The following TENM1 variants were observed in gnomAD, a reference collection of about 807,000 sequenced individuals.
The protein encoded by TENM1 is teneurin transmembrane protein 1.
TENM1 carries 35 observed loss-of-function variants against 174.8 expected under a neutral mutation model. The observed-to-expected ratio is 0.20, with a 90% confidence interval of 0.15 to 0.27. The LOEUF (loss-of-function observed/expected upper bound fraction) is 0.27, where lower values mean the gene tolerates loss of function less well. TENM1 is among the 10% of genes least tolerant of loss of function. The pLI is 1.00. For synonymous variants in TENM1, 781 were observed against 798.7 expected (o/e 0.98, Z 0.37); for missense variants, 1,633 against 2,130.1 (o/e 0.77, Z 4.59).
chrX:124,396,458 C>G (rs752004221), intron 27 of TENM1, among the ~76,000 whole-genome samples: 1 of 109,653 alleles, frequency 9.1e-6, no homozygotes, highest in Non-Finnish European at 1.9e-5. Context: ...CCCGCCACCA[C>G]GCCCAGCTAA....
chrX:124,571,954 A>G (rs2049062219), intron 11 of TENM1, among the ~76,000 whole-genome samples: 1 of 106,870 alleles, frequency 9.4e-6, no homozygotes, highest in Non-Finnish European at 1.9e-5. Context: ...AAAGGAGAAA[A>G]TGATTTTTTT....
the TENM1 span, among the ~76,000 whole-genome samples, chrX:125,125,190 C>T: frequency 9.0e-6 from 1 of 111,594 alleles, no homozygotes; most frequent in Admixed American, 9.5e-5. Flanking sequence ...ACAAATATAC[C>T]ACCTTAAATA....
chrX:125,023,388 A>G, the TENM1 span, among the ~76,000 whole-genome samples: 89 of 111,405 alleles, frequency 8.0e-4, 1 homozygote, highest in African/African-American at 2.8e-3. Context: ...CTGTAAGTCA[A>G]TTACAACTTT....
At chrX:124,548,005 T>A (rs2048472364) in intron 14 of TENM1, among the ~76,000 whole-genome samples, 1 of 110,572 alleles carries the variant, frequency 9.0e-6, no homozygotes, top group Non-Finnish European at 1.9e-5. Flanking sequence ...CCCGGCTAAT[T>A]TTTTGTATTT....
At chrX:125,108,770 G>A in the TENM1 span, among the ~76,000 whole-genome samples, 1 of 109,441 alleles carries the variant, frequency 9.1e-6, no homozygotes, top group Admixed American at 9.7e-5. Flanking sequence ...ATACACAGAT[G>A]TGTATATATA....
rs181506891 is a variant in TENM1, at chrX:124,603,046, C to G, written c.2078-37486G>C. On this transcript the variant is annotated intron_variant, in intron 11 of 31. Coordinates refer to ENST00000422452, the Ensembl canonical transcript of TENM1. The stretch of plus-strand genomic sequence containing the variant: ...GGCCATATGAAGACAGAGGCAGAGA[C>G]TGGAGTTATGTAGTCACACACTAAG... Among the ~76,000 whole-genome samples the G allele has an allele frequency of 8.2e-5, 9 of 110,423 alleles. No homozygotes were observed. In the Admixed American group the frequency reaches 8.7e-4, roughly 11 times the overall value.
At chrX:124,910,722 A>G (rs762285507) in intron 1 of TENM1, among the ~76,000 whole-genome samples, 1 of 111,128 alleles carries the variant, frequency 9.0e-6, no homozygotes, top group African/African-American at 3.3e-5. Context: ...CATATTCAGC[A>G]TCAATTACTT....
exon 18 of TENM1, chrX:124,520,550 C>G: frequency 3.3e-6 from 4 of 1,210,348 alleles, no homozygotes; most frequent in Non-Finnish European, 4.5e-6. Flanking sequence ...ACCTTCTGTC[C>G]ATAGATGTCG....
chrX:125,062,555 T>C, the TENM1 span, among the ~76,000 whole-genome samples: 1 of 112,259 alleles, frequency 8.9e-6, no homozygotes, highest in Non-Finnish European at 1.9e-5. Context: ...GTTGTAATGA[T>C]GCTACTTGTC....
At chrX:124,857,735 T>C (rs978292208) in intron 3 of TENM1, among the ~76,000 whole-genome samples, 3 of 110,011 alleles carry the variant, frequency 2.7e-5, no homozygotes, top group Admixed American at 9.6e-5. Context: ...AATTGTATGA[T>C]GTGTGAAATC....
chrX:125,059,789 A>G, the TENM1 span, among the ~76,000 whole-genome samples: 2 of 111,816 alleles, frequency 1.8e-5, 1 homozygote, highest in Non-Finnish European at 3.8e-5. Flanking sequence ...TTAGTCCTGA[A>G]AAAGAATGAG....
chrX:125,115,586 C>T, the TENM1 span, among the ~76,000 whole-genome samples: 1 of 111,281 alleles, frequency 9.0e-6, no homozygotes, highest in Non-Finnish European at 1.9e-5. Context: ...CATTCCAATA[C>T]ACCAATAATA....
intron 4 of TENM1, among the ~76,000 whole-genome samples, chrX:124,711,730 C>T (rs1047595525): frequency 9.0e-6 from 1 of 111,512 alleles, no homozygotes; most frequent in East Asian, 2.8e-4. Flanking sequence ...CATAAAATTT[C>T]GCATGTTAAA....
At chrX:124,801,988 A>G (rs1001555792) in intron 3 of TENM1, among the ~76,000 whole-genome samples, 4 of 111,449 alleles carry the variant, frequency 3.6e-5, no homozygotes, top group Non-Finnish European at 7.5e-5. Flanking sequence ...TTTGAAGGTG[A>G]CCTGACCTTC....
rs1190774540 is a variant in TENM1 at position 124,805,075 on chromosome X, TG to T, written c.536-67879del. Among the ~76,000 whole-genome samples the T allele has an allele frequency of 8.9e-5, 10 of 111,843 alleles. No homozygotes were observed. In the South Asian group the frequency reaches 3.7e-3, roughly 42 times the overall value. ...AAAAAATTTAGTGTCTTCCATGTGT[TG>T]GTAAATATGCTAGCTGCTTTATCTC... is the stretch of plus-strand genomic sequence containing the variant. On this transcript the variant is annotated intron_variant, in intron 3 of 31. Transcript: ENST00000422452.
chrX:124,865,230 CTG>C (rs2147454624), intron 3 of TENM1, among the ~76,000 whole-genome samples: 1 of 111,686 alleles, frequency 9.0e-6, no homozygotes, highest in East Asian at 2.8e-4. Context: ...AACACTGTAA[CTG>C]TGGTGTGTAA....
intron 5 of TENM1, among the ~76,000 whole-genome samples, chrX:124,699,044 T>G: frequency 8.9e-6 from 1 of 112,129 alleles, no homozygotes; most frequent in Non-Finnish European, 1.9e-5. Context: ...TTTATTCTTA[T>G]TCACTTCAGA....
At chrX:124,668,412 C>T (rs1369196598) in intron 6 of TENM1, among the ~76,000 whole-genome samples, 3 of 111,855 alleles carry the variant, frequency 2.7e-5, no homozygotes, top group Non-Finnish European at 3.8e-5. Context: ...ATGTTTACTG[C>T]GGCACTATTC....
chrX:125,010,530 A>G, the TENM1 span, among the ~76,000 whole-genome samples: 65 of 109,838 alleles, frequency 5.9e-4, no homozygotes, highest in Admixed American at 4.4e-3. Context: ...AAAAAAAAAA[A>G]CAGGCCGGGC....
Sources: gnomAD v4.1 joint callset for allele counts (sites outside exome capture counted in the v4.1 genomes callset) on GRCh38, gnomAD v4.1.1 for gene constraint, MANE v1.5 for transcripts, NCBI Gene and HGNC (gene_info 2026-07-23, HGNC 2026-07-21) for gene names.